The following ZC3H8 variants were observed in gnomAD, a reference collection of about 807,000 sequenced individuals.
ZC3H8 encodes the protein zinc finger CCCH-type containing 8.
A neutral mutation model predicts 42.5 loss-of-function variants in ZC3H8; 27 were observed. That is an observed-to-expected ratio of 0.64 (90% CI 0.47 to 0.88). The LOEUF (loss-of-function observed/expected upper bound fraction) is 0.88, where lower values mean the gene tolerates loss of function less well. ZC3H8 is among the 40% of genes least tolerant of loss of function. ZC3H8 has a pLI of 0.00. For synonymous variants in ZC3H8, 101 were observed against 110.1 expected (o/e 0.92, Z 0.52); for missense variants, 277 against 336.1 (o/e 0.82, Z 1.37).
chr2:112,232,075 G>A (rs771804152), intron 6 of ZC3H8, 128 bp from the exon 7 acceptor site: 102 of 455,100 alleles, frequency 2.2e-4, no homozygotes, highest in East Asian at 3.5e-4. Context: ...TGTAGGAGGC[G>A]GAGGTGGGCA....
rs377727981 is a variant in ZC3H8 at position 112,233,823 on chromosome 2, T to C, written c.621+297A>G. 4.5e-4 allele frequency among the ~76,000 whole-genome samples: 69 copies of C among 152,122 alleles called. No individual in the cohort carries two copies. The East Asian group carries it at 4.8e-3, about 11-fold the overall frequency. Reference sequence around the variant, plus strand: ...GGCGGAGCTTGCAGTGAGCCGAGAATGCGCCACTGCACTCCAGCCCAGGCG... The same window carrying C: ...GGCGGAGCTTGCAGTGAGCCGAGAACGCGCCACTGCACTCCAGCCCAGGCG... On this transcript the variant is annotated intron_variant, in intron 5 of 8. Coordinates refer to ENST00000409573, the MANE Select transcript of ZC3H8 (RefSeq NM_032494.3).
chr2:112,221,629 T>C (rs574821756), intron 8 of ZC3H8, among the ~76,000 whole-genome samples: 5 of 152,268 alleles, frequency 3.3e-5, no homozygotes, highest in Non-Finnish European at 7.4e-5. Flanking sequence ...AGCTCTGAGA[T>C]TCCTTCTTCA....
intron 2 of ZC3H8, among the ~76,000 whole-genome samples, chr2:112,244,831 TCTC>T (rs1175090165): frequency 6.6e-6 from 1 of 152,166 alleles, no homozygotes; most frequent in African/African-American, 2.4e-5. Flanking sequence ...AACCAGCCAT[TCTC>T]CTGTCTCTCT....
chr2:112,222,621 A>C (rs1684637729), intron 8 of ZC3H8, among the ~76,000 whole-genome samples: 1 of 152,216 alleles, frequency 6.6e-6, no homozygotes. Context: ...TGGTGACAGA[A>C]ATGTCTGTCA....
intron 8 of ZC3H8, among the ~76,000 whole-genome samples, chr2:112,223,413 A>T (rs1345512067): frequency 1.3e-5 from 2 of 151,824 alleles, no homozygotes; most frequent in Non-Finnish European, 2.9e-5. Flanking sequence ...TAAAGCCATT[A>T]AAAAAAAGAA....
At chr2:112,220,778 G>A (rs1208083582) in intron 8 of ZC3H8, among the ~76,000 whole-genome samples, 1 of 152,192 alleles carries the variant, frequency 6.6e-6, no homozygotes, top group African/African-American at 2.4e-5. Context: ...CTGAGATCGT[G>A]CCATTGCACT....
At chr2:112,250,318 A>C in intron 1 of ZC3H8, 46 bp from the exon 2 acceptor site, 4 of 1,411,072 alleles carry the variant, frequency 2.8e-6, no homozygotes, top group Non-Finnish European at 3.9e-6. Context: ...TTTCAACCTG[A>C]AGTGTTCATA....
rs906378277 is a variant in ZC3H8, at chr2:112,212,557, A to G, written c.*3927T>C. On this transcript the variant is annotated 3_prime_UTR_variant, in exon 9 of 9. Transcript: ENST00000409573. ...AACCCAAATCAAAATGGCTTCAACA[A>G]TAATGAAAATATATTATTTCAGGTG... 5.9e-5 allele frequency: 9 copies of G among 152,220 alleles called. No homozygotes were observed. Among genetic ancestry groups the G allele is most frequent in the Non-Finnish European group, 1.2e-4 (8 of 68,054 alleles). The allele number at this position is 152,220 out of a possible 1,614,324, so 9.4% of individuals were successfully genotyped here.
At chr2:112,234,287 A>G in intron 4 of ZC3H8, 51 bp from the exon 5 acceptor site, 1 of 1,356,476 alleles carries the variant, frequency 7.4e-7, no homozygotes, top group Non-Finnish European at 1.0e-6. Context: ...AAAATTAAAT[A>G]TTTTATTCTG....
At chr2:112,221,614 C>G (rs1223935372) in intron 8 of ZC3H8, among the ~76,000 whole-genome samples, 2 of 152,130 alleles carry the variant, frequency 1.3e-5, no homozygotes, top group Non-Finnish European at 2.9e-5. Context: ...GAGAGCCAGT[C>G]TTCCAGCTCT....
intron 2 of ZC3H8, among the ~76,000 whole-genome samples, chr2:112,239,579 C>CTTTTTTTTTTT (rs200972008): frequency 5.8e-5 from 5 of 86,490 alleles, no homozygotes; most frequent in Non-Finnish European, 8.7e-5. Context: ...TAACAGTTTA[C>CTTTTTTTTTTT]TTTTTTTTTT....
chr2:112,236,499 G>C (rs932435685), intron 4 of ZC3H8, 63 bp downstream of exon 4: 1 of 1,581,154 alleles, frequency 6.3e-7, no homozygotes, highest in African/African-American at 1.4e-5. Context: ...TGTCACTGAA[G>C]TATAAGATCA....
chr2:112,220,239 G>A (rs1684524870), intron 8 of ZC3H8, among the ~76,000 whole-genome samples: 1 of 152,190 alleles, frequency 6.6e-6, no homozygotes, highest in African/African-American at 2.4e-5. Context: ...CTGCATTATA[G>A]TGTCACTGGC....
At chr2:112,244,131 T>C (rs974191449) in intron 2 of ZC3H8, among the ~76,000 whole-genome samples, 1 of 151,076 alleles carries the variant, frequency 6.6e-6, no homozygotes, top group Non-Finnish European at 1.5e-5. Context: ...TCGCATAGAA[T>C]TAAGAATGCC....
At chr2:112,219,972 C>T (rs1558916718) in intron 8 of ZC3H8, among the ~76,000 whole-genome samples, 1 of 152,150 alleles carries the variant, frequency 6.6e-6, no homozygotes, top group South Asian at 2.1e-4. Flanking sequence ...ATAGACAACT[C>T]CTGTCTTTTT....
intron 8 of ZC3H8, among the ~76,000 whole-genome samples, chr2:112,226,297 A>T (rs55798617): frequency 0.13 from 19,149 of 151,702 alleles, 1,376 homozygotes; most frequent in Non-Finnish European, 0.16. Flanking sequence ...AAATCTAATT[A>T]AAAAAAAGCG....
chr2:112,228,821 C>T (rs1312452914), intron 8 of ZC3H8, among the ~76,000 whole-genome samples: 1 of 152,148 alleles, frequency 6.6e-6, no homozygotes, highest in African/African-American at 2.4e-5. Context: ...GGGATATTTG[C>T]AAATCATGTA....
intron 8 of ZC3H8, among the ~76,000 whole-genome samples, chr2:112,226,341 C>T (rs972068183): frequency 1.3e-5 from 2 of 151,834 alleles, no homozygotes; most frequent in Non-Finnish European, 2.9e-5. Flanking sequence ...GTAATCCCAG[C>T]ACTTTGGGAG....
chr2:112,218,838 C>G (rs1352905322), intron 8 of ZC3H8, among the ~76,000 whole-genome samples: 1 of 152,090 alleles, frequency 6.6e-6, no homozygotes, highest in Non-Finnish European at 1.5e-5. Context: ...CTGCAGGGGT[C>G]AGTAACCCTA....
Sources: allele counts gnomAD v4.1 joint callset (sites outside exome capture counted in the v4.1 genomes callset), GRCh38; gene constraint gnomAD v4.1.1; transcripts MANE v1.5; gene names NCBI Gene and HGNC (gene_info 2026-07-23, HGNC 2026-07-21).